The following KCNQ3 variants were observed in gnomAD, a reference collection of about 807,000 sequenced individuals.
The protein encoded by KCNQ3 is potassium voltage-gated channel subfamily KQT member 3.
KCNQ3 carries 30 observed loss-of-function variants against 92.5 expected under a neutral mutation model. That is an observed-to-expected ratio of 0.32 (90% CI 0.24 to 0.44). The LOEUF is 0.44. Ranked by LOEUF, KCNQ3 falls within the 20% of genes least tolerant of loss-of-function variation. KCNQ3 has a pLI of 1.00. For missense variants in KCNQ3, 913 were observed against 1,140.3 expected (o/e 0.80, Z 2.87); for synonymous variants, 450 against 468.8 (o/e 0.96, Z 0.52).
At chr8:132,362,318 G>A (rs375588576) in intron 1 of KCNQ3, among the ~76,000 whole-genome samples, 6 of 152,010 alleles carry the variant, frequency 3.9e-5, no homozygotes, top group East Asian at 1.9e-4. Context: ...TTCTAAGAAC[G>A]TCACATTTTT....
chr8:132,298,067 T>C (rs1312970421), intron 1 of KCNQ3, among the ~76,000 whole-genome samples: 2 of 152,144 alleles, frequency 1.3e-5, no homozygotes, highest in Non-Finnish European at 2.9e-5. Context: ...GACTGCAGAG[T>C]GTTCTGGCCT....
At chr8:132,198,416 C>T (rs1014251529) in intron 1 of KCNQ3, among the ~76,000 whole-genome samples, 1 of 152,204 alleles carries the variant, frequency 6.6e-6, no homozygotes, top group African/African-American at 2.4e-5. Context: ...GAATAGATAA[C>T]TAATACTAGT....
Position 132,260,373 on chromosome 8 carries a change from T to G in KCNQ3, c.387-74192A>C, listed in dbSNP as rs899519213. Reference sequence around the variant, plus strand: ...CTAAACAAGGTTCTACGTGTCAAACTTTGTTCTATGAGCTGGGAACACAGT... The same window carrying G: ...CTAAACAAGGTTCTACGTGTCAAACGTTGTTCTATGAGCTGGGAACACAGT... On this transcript the variant is annotated intron_variant, in intron 1 of 14. Coordinates refer to ENST00000388996, the MANE Select transcript of KCNQ3 (RefSeq NM_004519.4). 3.9e-5 allele frequency among the ~76,000 whole-genome samples: 6 copies of G among 152,306 alleles called. No homozygotes were observed. In the South Asian group the frequency reaches 8.3e-4, roughly 21 times the overall value.
intron 1 of KCNQ3, among the ~76,000 whole-genome samples, chr8:132,344,582 AAG>A (rs1818625603): frequency 6.6e-6 from 1 of 152,210 alleles, no homozygotes; most frequent in African/African-American, 2.4e-5. Context: ...TGGAGGAGTA[AAG>A]AAACATGGCC....
intron 1 of KCNQ3, among the ~76,000 whole-genome samples, chr8:132,317,490 G>A (rs1450803252): frequency 2.0e-5 from 3 of 152,176 alleles, no homozygotes; most frequent in Non-Finnish European, 4.4e-5. Context: ...AGAGTGATGA[G>A]TTTGACTTAA....
At chr8:132,255,475 T>C (rs569521465) in intron 1 of KCNQ3, among the ~76,000 whole-genome samples, 14 of 152,346 alleles carry the variant, frequency 9.2e-5, no homozygotes, top group African/African-American at 3.1e-4. Flanking sequence ...GGGATTTTCC[T>C]ACATATTCCT....
intron 1 of KCNQ3, among the ~76,000 whole-genome samples, chr8:132,203,956 G>A (rs1827539860): frequency 6.6e-6 from 1 of 152,030 alleles, no homozygotes; most frequent in South Asian, 2.1e-4. Context: ...TATATCTTTG[G>A]GGACCTCTAC....
chr8:132,388,692 C>T (rs1261670602), intron 1 of KCNQ3, among the ~76,000 whole-genome samples: 3 of 152,188 alleles, frequency 2.0e-5, no homozygotes, highest in Non-Finnish European at 4.4e-5. Context: ...TAAACATCTA[C>T]TAAATGTCAG....
intron 1 of KCNQ3, among the ~76,000 whole-genome samples, chr8:132,392,772 A>G (rs1820082942): frequency 7.0e-6 from 1 of 142,024 alleles, no homozygotes; most frequent in Non-Finnish European, 1.5e-5. Flanking sequence ...AGCCTTGGGA[A>G]CAAAGCAGAA....
chr8:132,232,218 G>T (rs1814667013), intron 1 of KCNQ3, among the ~76,000 whole-genome samples: 1 of 152,136 alleles, frequency 6.6e-6, no homozygotes, highest in African/African-American at 2.4e-5. Context: ...CATTACTGTA[G>T]CACCAGAGCT....
intron 1 of KCNQ3, among the ~76,000 whole-genome samples, chr8:132,362,965 A>C (rs1235295682): frequency 1.3e-5 from 2 of 152,312 alleles, no homozygotes; most frequent in East Asian, 3.9e-4. Context: ...GGCAAGAGGT[A>C]GTAAGTCCCA....
intron 1 of KCNQ3, among the ~76,000 whole-genome samples, chr8:132,222,404 T>C (rs754196822): frequency 5.3e-5 from 8 of 152,254 alleles, no homozygotes; most frequent in Non-Finnish European, 1.2e-4. Context: ...TGAGTGCGTA[T>C]ATAGTAAGAA....
chr8:132,183,841 C>T (rs772369692), intron 3 of KCNQ3, among the ~76,000 whole-genome samples: 47 of 152,190 alleles, frequency 3.1e-4, no homozygotes, highest in Non-Finnish European at 5.6e-4. Context: ...CAGCCAGCAA[C>T]GGTGTCACGC....
chr8:132,169,397 CCAATGCATA>C (rs1826242366), intron 8 of KCNQ3, among the ~76,000 whole-genome samples: 1 of 152,200 alleles, frequency 6.6e-6, no homozygotes, highest in African/African-American at 2.4e-5. Flanking sequence ...TAGTGGGCAT[CCAATGCATA>C]TTAATTTTGC....
At chr8:132,218,330 A>T (rs967542529) in intron 1 of KCNQ3, among the ~76,000 whole-genome samples, 2 of 152,240 alleles carry the variant, frequency 1.3e-5, no homozygotes, top group African/African-American at 4.8e-5. Context: ...GGACAGAGTC[A>T]TGCTACATCC....
In KCNQ3 at chr8:132,137,995, A is replaced by G. The variant is rs757378151; in HGVS notation, c.1590T>C (p.Tyr530=). The change falls in exon 12 of 15, where the codon TAT becomes TAC. Residue 530 remains tyrosine, a synonymous_variant. Coordinates refer to ENST00000388996, the MANE Select transcript of KCNQ3 (RefSeq NM_004519.4). ...RAVRILQFRL[Y]KKKFKETLRP... Reference sequence around the variant, plus strand: ...TCAAAGTCTCCTTGAATTTTTTTTTATAGAGACGGAATTGTAGAATTCTGC... The same window carrying G: ...TCAAAGTCTCCTTGAATTTTTTTTTGTAGAGACGGAATTGTAGAATTCTGC... 44 of 1,611,404 alleles carry G rather than the reference A, an allele frequency of 2.7e-5. No homozygotes were observed. Among genetic ancestry groups the G allele is most frequent in the Non-Finnish European group, 3.5e-5 (41 of 1,179,806 alleles).
At chr8:132,278,243 A>G in intron 1 of KCNQ3, 1 of 982,232 alleles carries the variant, frequency 1.0e-6, no homozygotes. Flanking sequence ...AAGTAGAGGC[A>G]TAAATCTCAA....
chr8:132,255,119 C>A (rs886667069), intron 1 of KCNQ3, among the ~76,000 whole-genome samples: 3 of 151,946 alleles, frequency 2.0e-5, no homozygotes, highest in Non-Finnish European at 4.4e-5. Context: ...CCCTCCCCCC[C>A]ACCTCATGAT....
At chr8:132,440,708 CTG>C (rs973534365) in intron 1 of KCNQ3, among the ~76,000 whole-genome samples, 25 of 152,192 alleles carry the variant, frequency 1.6e-4, no homozygotes, top group African/African-American at 6.0e-4. Flanking sequence ...CCCTTACCAA[CTG>C]TGCACACACA....
Sources: gnomAD v4.1 joint callset for allele counts (sites outside exome capture counted in the v4.1 genomes callset) on GRCh38, gnomAD v4.1.1 for gene constraint, MANE v1.5 for transcripts, NCBI Gene and HGNC (gene_info 2026-07-23, HGNC 2026-07-21) for gene names.